ARK2N: variants seen among roughly 807,000 people sequenced by gnomAD.
The protein encoded by ARK2N is arkadia (RNF111) N-terminal like PKA signaling regulator 2N.
chr18:46,195,558 ACTTTTTTTTTTTTTT>A, the ARK2N span, among the ~76,000 whole-genome samples: 19 of 100,184 alleles, frequency 1.9e-4, no homozygotes, highest in African/African-American at 7.4e-4. Context: ...TCCCACATAA[ACTTTTTTTTTTTTTT>A]TTTTTTTTTT....
the ARK2N span, chr18:46,232,706 A>T: frequency 6.6e-6 from 1 of 152,192 alleles, no homozygotes; most frequent in Non-Finnish European, 1.5e-5. Context: ...AGATATTCTC[A>T]TGTTGTATTA....
At chr18:46,200,979 CTTTTT>C in the ARK2N span, among the ~76,000 whole-genome samples, 4 of 112,858 alleles carry the variant, frequency 3.5e-5, no homozygotes, top group Admixed American at 9.7e-5. Context: ...TTTCTTTTTT[CTTTTT>C]TTTTTTTTTT....
chr18:46,189,156 C>T, the ARK2N span, among the ~76,000 whole-genome samples: 1 of 142,540 alleles, frequency 7.0e-6, no homozygotes, highest in South Asian at 2.2e-4. Context: ...TGGAGATTGC[C>T]GTGAGCCAAG....
At chr18:46,201,419 T>G in the ARK2N span, among the ~76,000 whole-genome samples, 1 of 152,250 alleles carries the variant, frequency 6.6e-6, no homozygotes, top group Admixed American at 6.5e-5. Context: ...ACTTGTTTTT[T>G]TGTCCATTTT....
the ARK2N span, among the ~76,000 whole-genome samples, chr18:46,229,378 C>T: frequency 2.5e-4 from 38 of 152,254 alleles, no homozygotes; most frequent in Admixed American, 5.9e-4. Flanking sequence ...GACAGAGTCT[C>T]GCTCTGTCGT....
the ARK2N span, chr18:46,263,018 A>G: frequency 1.9e-6 from 3 of 1,614,080 alleles, no homozygotes; most frequent in South Asian, 2.2e-5. Flanking sequence ...AGGCAAACAC[A>G]GTCATGGACT....
At chr18:46,182,683 C>CTTTTTTT in the ARK2N span, among the ~76,000 whole-genome samples, 17 of 87,798 alleles carry the variant, frequency 1.9e-4, no homozygotes, top group Non-Finnish European at 3.3e-4. Flanking sequence ...AGCCACAGTG[C>CTTTTTTT]TTTTTTTTTT....
At chr18:46,199,555 G>C in the ARK2N span, among the ~76,000 whole-genome samples, 1 of 144,948 alleles carries the variant, frequency 6.9e-6, no homozygotes. Context: ...TTGAACTCCT[G>C]ACCTCAAGTG....
the ARK2N span, among the ~76,000 whole-genome samples, chr18:46,184,144 C>T: frequency 5.3e-5 from 8 of 152,182 alleles, no homozygotes; most frequent in Non-Finnish European, 1.2e-4. Context: ...GTGCCTACCA[C>T]CACGCTTGGC....
At chr18:46,216,227 A>T in the ARK2N span, 15 of 1,613,802 alleles carry the variant, frequency 9.3e-6, no homozygotes, top group Non-Finnish European at 1.3e-5. This position sits in a 1 kb window ranked among gnomAD's most constrained non-coding sequence, Gnocchi z 4.3. Context: ...GAAGAGAATG[A>T]ACCCTCTCAG....
At chr18:46,241,398 A>G in the ARK2N span, among the ~76,000 whole-genome samples, 2 of 152,170 alleles carry the variant, frequency 1.3e-5, no homozygotes, top group African/African-American at 2.4e-5. Flanking sequence ...AGGATTTATT[A>G]ATATGTATTA....
the ARK2N span, among the ~76,000 whole-genome samples, chr18:46,259,809 T>TGTGTGTGTTTGACAGAGATGGG: frequency 6.6e-6 from 1 of 150,752 alleles, no homozygotes; most frequent in Admixed American, 6.6e-5. Flanking sequence ...TGTGTGTGTG[T>TGTGTGTGTTTGACAGAGATGGG]GTGTTTGACA....
At chr18:46,266,182 A>G in the ARK2N span, 4 of 152,294 alleles carry the variant, frequency 2.6e-5, no homozygotes, top group African/African-American at 9.6e-5. Flanking sequence ...TAATGTAGTC[A>G]TTTGTTCATC....
chr18:46,265,266 G>A, the ARK2N span: 67 of 152,652 alleles, frequency 4.4e-4, no homozygotes, highest in South Asian at 2.1e-4. Flanking sequence ...TTCCCCCACT[G>A]TCAGGGCAGA....
At chr18:46,216,935 G>A in the ARK2N span, 3 of 226,130 alleles carry the variant, frequency 1.3e-5, no homozygotes, top group East Asian at 2.9e-4. The surrounding 1 kb of genome is among the most constrained non-coding windows in gnomAD (Gnocchi z 4.3). Context: ...TCACTGTTCG[G>A]CATCATTACT....
the ARK2N span, among the ~76,000 whole-genome samples, chr18:46,194,504 G>A: frequency 2.0e-5 from 3 of 150,066 alleles, no homozygotes; most frequent in African/African-American, 4.9e-5. Context: ...ACGGAGTCTC[G>A]CTGTGTCACG....
At chr18:46,264,383 T>G in the ARK2N span, 1 of 152,680 alleles carries the variant, frequency 6.5e-6, no homozygotes, top group East Asian at 1.9e-4. Flanking sequence ...CTATGTACTC[T>G]GCACAGGGGG....
chr18:46,176,628 A>AT, the ARK2N span, among the ~76,000 whole-genome samples: 46,650 of 144,654 alleles, frequency 0.32, 8,131 homozygotes, highest in East Asian at 0.54. Flanking sequence ...CTAATTTTTA[A>AT]TTTTTTTTTT....
At chr18:46,178,230 T>C in the ARK2N span, among the ~76,000 whole-genome samples, 1 of 152,224 alleles carries the variant, frequency 6.6e-6, no homozygotes, top group African/African-American at 2.4e-5. Context: ...ATTAGTCCGC[T>C]AATGGGTTGG....
Sources: allele counts gnomAD v4.1 joint callset (sites outside exome capture counted in the v4.1 genomes callset), GRCh38; gene constraint gnomAD v4.1.1; non-coding constraint Gnocchi (gnomAD v3.1); transcripts MANE v1.5; gene names NCBI Gene and HGNC (gene_info 2026-07-23, HGNC 2026-07-21).